TANK: variants seen among roughly 807,000 people sequenced by gnomAD.
TANK encodes TRAF family member-associated NF-kappa-B activator.
Under a neutral mutation model 43.6 loss-of-function variants are expected in TANK, and 15 were observed. The observed-to-expected ratio is 0.34, with a 90% CI of 0.23 to 0.53. The LOEUF is 0.53. Among genes scored for constraint, TANK ranks in the 20% least tolerant of loss-of-function variants. The probability of loss-of-function intolerance (pLI) is 0.94; values close to 1 mark genes in which losing one functional copy is unlikely to be tolerated. For missense variants in TANK, 417 were observed against 498.6 expected (o/e 0.84, Z 1.56); for synonymous variants, 162 against 178.2 (o/e 0.91, Z 0.73).
In TANK at chr2:161,218,009, T is replaced by C. The variant is rs150732713; in HGVS notation, c.328-5906T>C. ...TGCTTTGTCAAATGCTTAACTTCTA[T>C]GCCAAGTTTGAGAAATACTATGAAA... On this transcript the variant is annotated intron_variant, in intron 4 of 7. Transcript: ENST00000392749. 2.2e-4 allele frequency among the ~76,000 whole-genome samples: 34 copies of C among 152,286 alleles called. No homozygotes were observed. In the East Asian group the frequency reaches 6.5e-3, roughly 29 times the overall value.
chr2:161,158,071 G>A (rs1404230630), upstream of TANK, among the ~76,000 whole-genome samples: 1 of 151,160 alleles, frequency 6.6e-6, no homozygotes, highest in Non-Finnish European at 1.5e-5. Flanking sequence ...ATAGAGACGT[G>A]GTCTCACTAT....
Position 161,204,777 on chromosome 2 carries a change from G to A in TANK, c.311G>A (p.Arg104Lys). The change falls in exon 4 of 8, where the codon AGA becomes AAA. Residue 104 changes from arginine to lysine, a missense_variant. Coordinates refer to ENST00000392749, the MANE Select transcript of TANK (RefSeq NM_001199135.3). ...PQDKVISGIA[R>K]EKLPKVRRQE... The stretch of plus-strand genomic sequence containing the variant: ...GATAAAGTGATTTCAGGAATAGCAA[G>A]AGAAAAACTACCAAAGGTAGACATT... 6.2e-7 allele frequency: 1 copy of A among 1,605,676 alleles called. No individual in the cohort carries two copies. The highest frequency in any genetic ancestry group is 2.3e-5 in the East Asian group (1 of 44,412).
chr2:161,185,409 A>C (rs956838671), intron 2 of TANK, among the ~76,000 whole-genome samples: 4 of 152,024 alleles, frequency 2.6e-5, no homozygotes, highest in African/African-American at 9.7e-5. Flanking sequence ...AGTAAAGACA[A>C]TATAAACCAC....
intron 4 of TANK, chr2:161,207,931 AAACT>A (rs1262591378): frequency 1.0e-6 from 1 of 961,794 alleles, no homozygotes; most frequent in South Asian, 4.8e-5. Flanking sequence ...GTCTTCTGCA[AAACT>A]AACCTATTTC....
chr2:161,163,086 A>G (rs1463815442), intron 1 of TANK: 1 of 151,992 alleles, frequency 6.6e-6, no homozygotes, highest in African/African-American at 2.4e-5. Context: ...TTCATTTTAT[A>G]CTCACCTTTT....
At chr2:161,160,848 T>C (rs559057609) in intron 1 of TANK, 1 of 512,784 alleles carries the variant, frequency 2.0e-6, no homozygotes, top group South Asian at 1.6e-5. Context: ...TCCAGGAACA[T>C]TCCCGACTTC....
intron 2 of TANK, among the ~76,000 whole-genome samples, chr2:161,193,030 T>G (rs979680751): frequency 6.6e-6 from 1 of 152,234 alleles, no homozygotes; most frequent in African/African-American, 2.4e-5. Flanking sequence ...ACATCTCTTT[T>G]TAGCAAGAGA....
At chr2:161,143,965 G>GT (rs2105215415) in intron 1 of TANK, among the ~76,000 whole-genome samples, 1 of 152,028 alleles carries the variant, frequency 6.6e-6, no homozygotes, top group East Asian at 1.9e-4. Flanking sequence ...GGTTGGTAGG[G>GT]TATTAATTAC....
At chr2:161,140,095 A>G in intron 1 of TANK, 1 of 239,662 alleles carries the variant, frequency 4.2e-6, no homozygotes, top group Non-Finnish European at 6.8e-6. Context: ...TATCACTGAT[A>G]GGTTTCAGTT....
intron 1 of TANK, among the ~76,000 whole-genome samples, chr2:161,142,350 G>A (rs1683774460): frequency 6.6e-6 from 1 of 152,006 alleles, no homozygotes; most frequent in African/African-American, 2.4e-5. Context: ...GTCAATTTTG[G>A]CTTTTGTTGC....
At chr2:161,173,646 TA>T in intron 1 of TANK, among the ~76,000 whole-genome samples, 1 of 152,146 alleles carries the variant, frequency 6.6e-6, no homozygotes, top group South Asian at 2.1e-4. Flanking sequence ...CTTTTTTTTT[TA>T]AACATTTATA....
At chr2:161,165,276 A>G (rs1226993054) in intron 1 of TANK, among the ~76,000 whole-genome samples, 1 of 152,172 alleles carries the variant, frequency 6.6e-6, no homozygotes, top group African/African-American at 2.4e-5. Flanking sequence ...CAATCAGGTA[A>G]TAGTTTTTCC....
At chr2:161,174,263 G>A (rs1436496656) in intron 1 of TANK, among the ~76,000 whole-genome samples, 1 of 152,162 alleles carries the variant, frequency 6.6e-6, no homozygotes, top group African/African-American at 2.4e-5. Flanking sequence ...AGTCTATTTA[G>A]TAAAGTGTTT....
At chr2:161,231,959 GTAAA>G (rs1484331898) in intron 7 of TANK, among the ~76,000 whole-genome samples, 2 of 152,112 alleles carry the variant, frequency 1.3e-5, no homozygotes, top group African/African-American at 4.8e-5. Flanking sequence ...TCTTTCATAA[GTAAA>G]TAATTGCATC....
upstream of TANK, chr2:161,159,383 G>T (rs1051614202): frequency 6.6e-6 from 1 of 151,992 alleles, no homozygotes; most frequent in Non-Finnish European, 1.5e-5. Context: ...ATCTAAAACT[G>T]CCCTCAAAAA....
At chr2:161,173,929 C>G (rs1307390351) in intron 1 of TANK, among the ~76,000 whole-genome samples, 2 of 152,002 alleles carry the variant, frequency 1.3e-5, no homozygotes, top group Admixed American at 6.5e-5. Context: ...TTCCAACCAG[C>G]TGGGAAAAAA....
chr2:161,153,761 C>T (rs1285177859), intron 1 of TANK, among the ~76,000 whole-genome samples: 1 of 151,210 alleles, frequency 6.6e-6, no homozygotes, highest in African/African-American at 2.4e-5. Flanking sequence ...TTCTATATTA[C>T]CCAATATTTA....
chr2:161,207,949 A>G, intron 4 of TANK: 1 of 937,708 alleles, frequency 1.1e-6, no homozygotes, highest in Non-Finnish European at 1.3e-6. Context: ...CTATTTCTAG[A>G]AATCACATTC....
intron 1 of TANK, among the ~76,000 whole-genome samples, chr2:161,174,796 C>T (rs1685106765): frequency 6.6e-6 from 1 of 152,114 alleles, no homozygotes; most frequent in African/African-American, 2.4e-5. Context: ...AGAATTGTCT[C>T]AGGTTTGCAT....
Sources: gnomAD v4.1 joint callset for allele counts (sites outside exome capture counted in the v4.1 genomes callset) on GRCh38, gnomAD v4.1.1 for gene constraint, MANE v1.5 for transcripts, NCBI Gene and HGNC (gene_info 2026-07-23, HGNC 2026-07-21) for gene names.